The following CLASP1 variants were observed in gnomAD, a reference collection of about 807,000 sequenced individuals.
CLASP1 encodes CLIP-associating protein 1.
CLASP1 carries 38 observed loss-of-function variants against 192.3 expected under a neutral mutation model. The ratio of observed to expected loss-of-function variants is 0.20; its 90% CI spans 0.15 to 0.26. CLASP1 has a LOEUF of 0.26. Ranked by LOEUF, CLASP1 falls within the 10% of genes least tolerant of loss-of-function variation. The pLI, the probability that CLASP1 is intolerant of heterozygous loss-of-function variation, is 1.00. For synonymous variants in CLASP1, 691 were observed against 712.8 expected, an observed-to-expected ratio of 0.97 and a Z score of 0.49; for missense variants, 1,433 against 1,932.5, an observed-to-expected ratio of 0.74 and a Z score of 4.85.
chr2:121,592,685 G>A (rs1409558926), intron 2 of CLASP1, among the ~76,000 whole-genome samples: 5 of 151,772 alleles, frequency 3.3e-5, no homozygotes, highest in African/African-American at 9.7e-5. Context: ...ACAGAGTCTC[G>A]CCGTCACCCA....
At chr2:121,633,239 C>T (rs541606152) in intron 1 of CLASP1, among the ~76,000 whole-genome samples, 2 of 152,088 alleles carry the variant, frequency 1.3e-5, no homozygotes, top group South Asian at 4.1e-4. Context: ...GAAGCGAATT[C>T]TCATATAACT....
exon 40 of CLASP1, chr2:121,337,911 TATAA>T (rs2062465761): frequency 6.7e-6 from 1 of 148,796 alleles, no homozygotes. Flanking sequence ...ACAAATAAGA[TATAA>T]ATACAGATAT....
At chr2:121,470,539 G>T in intron 8 of CLASP1, 1 of 380,068 alleles carries the variant, frequency 2.6e-6, no homozygotes. Flanking sequence ...TAATTGTATG[G>T]TACTTTGTAA....
Position 121,344,003 on chromosome 2 carries a change from G to A in CLASP1, c.4530+3035C>T, listed in dbSNP as rs952325860. Among the ~76,000 whole-genome samples, 3 of 152,050 alleles carry A rather than the reference G, an allele frequency of 2.0e-5. No homozygotes were observed. The South Asian group carries it at 6.2e-4, about 32-fold the overall frequency. ...GGACAATCGTTTGAACCTGGTAGGC[G>A]GAGGTTGCAGTGAGCCAAGATCACG... On this transcript the variant is annotated intron_variant, in intron 39 of 39. Transcript: ENST00000263710.
chr2:121,385,518 T>C (rs1231272203), intron 32 of CLASP1, among the ~76,000 whole-genome samples: 1 of 152,176 alleles, frequency 6.6e-6, no homozygotes, highest in Admixed American at 6.5e-5. Flanking sequence ...TTTAATGACT[T>C]GAGGACCCAT....
chr2:121,609,712 G>A lies in CLASP1; in HGVS notation c.-285-3532C>T, dbSNP rs1357092786. ...AATCCCAAGACTTTGGGAGGCTGAG[G>A]CGGGCGGATCATGAGGTCAGGAGAT... On this transcript the variant is annotated intron_variant, in intron 1 of 39. Coordinates refer to ENST00000263710, the Ensembl canonical transcript of CLASP1. Among the ~76,000 whole-genome samples the A allele has an allele frequency of 3.9e-5, 6 of 152,326 alleles. No homozygotes were observed. The South Asian group carries it at 1.2e-3, about 32-fold the overall frequency.
At chr2:121,490,296 A>T (rs1488961291) in intron 8 of CLASP1, 3 of 455,074 alleles carry the variant, frequency 6.6e-6, no homozygotes, top group African/African-American at 2.0e-5. Flanking sequence ...CATGATTGTC[A>T]GTAATCCTGG....
intron 37 of CLASP1, among the ~76,000 whole-genome samples, chr2:121,362,336 G>A (rs1404639042): frequency 1.3e-5 from 2 of 152,200 alleles, no homozygotes; most frequent in East Asian, 3.9e-4. Flanking sequence ...CCACTTGAAA[G>A]CCTGGTGAGG....
In CLASP1 at chr2:121,418,611, C is replaced by G; in HGVS notation, c.2320+11G>C. ...CTCTTTGCTCCTCAGCCAGCACCTA[C>G]GTGTACTCACCAAGTGGAGGAAAGC... On this transcript the variant is annotated intron_variant, in intron 23 of 39. Coordinates refer to ENST00000263710, the Ensembl canonical transcript of CLASP1. 2 of 1,599,490 alleles carry G rather than the reference C, an allele frequency of 1.3e-6. No individual in the cohort carries two copies. The highest frequency in any genetic ancestry group is 1.7e-6 in the Non-Finnish European group (2 of 1,167,026).
intron 2 of CLASP1, among the ~76,000 whole-genome samples, chr2:121,570,349 G>GT (rs1478167604): frequency 2.6e-5 from 4 of 152,200 alleles, no homozygotes; most frequent in Non-Finnish European, 4.4e-5. Context: ...GTAGAACACT[G>GT]TTTCTTAAAC....
intron 8 of CLASP1, among the ~76,000 whole-genome samples, chr2:121,480,399 G>A (rs777936959): frequency 6.6e-6 from 1 of 152,194 alleles, no homozygotes; most frequent in Non-Finnish European, 1.5e-5. Context: ...TGGGTCTCAG[G>A]TGGAAAATGC....
At chr2:121,526,798 AT>A (rs1438934642) in intron 5 of CLASP1, among the ~76,000 whole-genome samples, 9 of 152,202 alleles carry the variant, frequency 5.9e-5, no homozygotes, top group Non-Finnish European at 1.0e-4. Flanking sequence ...TTTTTATGAT[AT>A]ATACAGTATT....
chr2:121,545,417 A>T (rs1214734643), intron 2 of CLASP1, among the ~76,000 whole-genome samples: 1 of 152,068 alleles, frequency 6.6e-6, no homozygotes, highest in Non-Finnish European at 1.5e-5. Flanking sequence ...TCATGATCCA[A>T]AAAAATCCAC....
intron 2 of CLASP1, among the ~76,000 whole-genome samples, chr2:121,580,636 A>G (rs2061023403): frequency 6.6e-6 from 1 of 152,368 alleles, no homozygotes; most frequent in African/African-American, 2.4e-5. Flanking sequence ...AGAGTGCACC[A>G]TCGCCTGGAT....
intron 2 of CLASP1, among the ~76,000 whole-genome samples, chr2:121,566,357 G>A (rs72830816): frequency 6.6e-6 from 1 of 152,324 alleles, no homozygotes; most frequent in Non-Finnish European, 1.5e-5. Context: ...GTATTGCTCT[G>A]TAATGTGTTC....
intron 2 of CLASP1, among the ~76,000 whole-genome samples, chr2:121,577,916 T>C (rs2060688557): frequency 6.6e-6 from 1 of 151,966 alleles, no homozygotes; most frequent in Admixed American, 6.6e-5. Context: ...TCTACAAAAA[T>C]TTCATTGACT....
intron 39 of CLASP1, among the ~76,000 whole-genome samples, chr2:121,342,914 G>A (rs553470442): frequency 3.3e-5 from 5 of 152,276 alleles, no homozygotes; most frequent in African/African-American, 4.8e-5. Context: ...TCCAGCCTGA[G>A]TGACCAAAAA....
At chr2:121,459,152 T>G (rs1435764657) in intron 12 of CLASP1, among the ~76,000 whole-genome samples, 177 bp from the exon 13 acceptor site, 2 of 114,486 alleles carry the variant, frequency 1.7e-5, no homozygotes, top group African/African-American at 5.3e-5. Flanking sequence ...AGTTTTGTTG[T>G]TTTTTTTTTT....
intron 20 of CLASP1, 37 bp from the exon 21 acceptor site, chr2:121,427,467 G>A: frequency 6.2e-7 from 1 of 1,610,438 alleles, no homozygotes; most frequent in Non-Finnish European, 8.5e-7. Context: ...CAGGCAAAAA[G>A]TGGATTAAAA....
Sources: gnomAD v4.1 joint callset for allele counts (sites outside exome capture counted in the v4.1 genomes callset) on GRCh38, gnomAD v4.1.1 for gene constraint, MANE v1.5 for transcripts, NCBI Gene and HGNC (gene_info 2026-07-23, HGNC 2026-07-21) for gene names.